The following PLCXD3 variants were observed in gnomAD, a reference collection of about 807,000 sequenced individuals.
The protein encoded by PLCXD3 is PI-PLC X domain-containing protein 3.
PLCXD3 carries 19 observed loss-of-function variants against 25.5 expected under a neutral mutation model. The ratio of observed to expected loss-of-function variants is 0.75; its 90% CI spans 0.52 to 1.09. The LOEUF is 1.09. Among genes scored for constraint, PLCXD3 ranks in the 50% least tolerant of loss-of-function variants. PLCXD3 has a pLI of 0.00. For missense variants in PLCXD3, 411 were observed against 388.1 expected, an observed-to-expected ratio of 1.06 and a Z score of -0.50; for synonymous variants, 174 against 137.6, an observed-to-expected ratio of 1.26 and a Z score of -1.85.
chr5:41,381,963 C>G lies in PLCXD3; in HGVS notation c.675G>C (p.Leu225=). 3 of 1,613,488 alleles carry G rather than the reference C, an allele frequency of 1.9e-6. No homozygotes were observed. Among genetic ancestry groups the G allele is most frequent in the Non-Finnish European group, 2.5e-6 (3 of 1,179,716 alleles). Residue 225 remains leucine, a synonymous_variant, in exon 2 of 3, where the codon CTG becomes CTC. Coordinates refer to ENST00000377801, the MANE Select transcript of PLCXD3 (RefSeq NM_001005473.3). The part of the protein sequence containing the change: ...PWANTTDPEK[L]IQFLQASITE... ...TGATGGATGCTTGAAGAAACTGGAT[C>G]AGTTTCTCGGGGTCTGTGGTGTTGG...
chr5:41,308,613 C>T lies in PLCXD3; in HGVS notation c.*5004G>A, dbSNP rs1275335936. 6.6e-6 allele frequency: 1 copy of T among 152,018 alleles called. No homozygotes were observed. 9.4% of individuals were successfully genotyped at this position (152,018 alleles called of 1,614,324 possible). On this transcript the variant is annotated 3_prime_UTR_variant, in exon 3 of 3. Coordinates refer to ENST00000377801, the MANE Select transcript of PLCXD3 (RefSeq NM_001005473.3). ...TGTGTGGGTTGCATGCTTGTTTTCT[C>T]GAGAAGAGAACCATGTTGGAACCAC...
At chr5:41,471,199 A>G (rs1412789040) in intron 1 of PLCXD3, among the ~76,000 whole-genome samples, 1 of 152,214 alleles carries the variant, frequency 6.6e-6, no homozygotes, top group Non-Finnish European at 1.5e-5. Context: ...GCACCTTCAT[A>G]AGAACCAAAA....
intron 1 of PLCXD3, chr5:41,475,712 T>C (rs554298998): frequency 3.7e-6 from 2 of 534,766 alleles, no homozygotes; most frequent in Admixed American, 3.9e-5. Context: ...CTACGACAGT[T>C]ACTACTTGAG....
At chr5:41,466,811 G>A (rs1748027311) in intron 1 of PLCXD3, among the ~76,000 whole-genome samples, 1 of 151,968 alleles carries the variant, frequency 6.6e-6, no homozygotes, top group African/African-American at 2.4e-5. Flanking sequence ...TGTGGTATTT[G>A]TCTTTCTATG....
chr5:41,432,311 G>A (rs528652479), intron 1 of PLCXD3, among the ~76,000 whole-genome samples: 1 of 152,226 alleles, frequency 6.6e-6, no homozygotes, highest in Admixed American at 6.5e-5. Context: ...CTTTCTAAAT[G>A]CACTATTTGT....
chr5:41,322,657 T>C (rs1046397468), intron 2 of PLCXD3, among the ~76,000 whole-genome samples: 1 of 152,208 alleles, frequency 6.6e-6, no homozygotes, highest in African/African-American at 2.4e-5. Context: ...GGAAGCAACC[T>C]AAATGTTCAT....
intron 2 of PLCXD3, among the ~76,000 whole-genome samples, chr5:41,336,663 G>A (rs1041144687): frequency 1.3e-5 from 2 of 152,090 alleles, no homozygotes; most frequent in African/African-American, 4.8e-5. Context: ...AATTGCCCTC[G>A]GCAAAAGAAA....
At chr5:41,388,323 G>A (rs1472324176) in intron 1 of PLCXD3, among the ~76,000 whole-genome samples, 1 of 152,054 alleles carries the variant, frequency 6.6e-6, no homozygotes, top group African/African-American at 2.4e-5. Flanking sequence ...TCTGGATGTG[G>A]AAGGAAAACA....
At chr5:41,496,733 T>C (rs1202474603) in intron 1 of PLCXD3, among the ~76,000 whole-genome samples, 2 of 150,426 alleles carry the variant, frequency 1.3e-5, no homozygotes, top group Non-Finnish European at 3.0e-5. Flanking sequence ...TAAATAATAA[T>C]GTAAAAGCGT....
Position 41,436,792 on chromosome 5 carries a change from G to A in PLCXD3, c.104-54258C>T, listed in dbSNP as rs1561273189. On this transcript the variant is annotated intron_variant, in intron 1 of 2. Coordinates refer to ENST00000377801, the MANE Select transcript of PLCXD3 (RefSeq NM_001005473.3). ...AAGATATAAACCTACTTCAGAATAG[G>A]TTTTTCCAAAGAAAATTTAAAAGTA... 2.0e-5 allele frequency among the ~76,000 whole-genome samples: 3 copies of A among 151,996 alleles called. No homozygotes were observed. The South Asian group carries it at 6.2e-4, about 32-fold the overall frequency.
intron 1 of PLCXD3, among the ~76,000 whole-genome samples, chr5:41,464,954 T>C (rs1461872196): frequency 6.6e-6 from 1 of 152,102 alleles, no homozygotes; most frequent in Non-Finnish European, 1.5e-5. Context: ...TTTATTAAAT[T>C]CTAAAAAATG....
chr5:41,369,164 G>A (rs532364490), intron 2 of PLCXD3, among the ~76,000 whole-genome samples: 12 of 152,180 alleles, frequency 7.9e-5, no homozygotes, highest in Non-Finnish European at 7.4e-5. Flanking sequence ...GCTTGTGAAC[G>A]GCAGTAGAGT....
At chr5:41,473,189 T>G (rs891866441) in intron 1 of PLCXD3, among the ~76,000 whole-genome samples, 6 of 152,136 alleles carry the variant, frequency 3.9e-5, no homozygotes, top group African/African-American at 1.4e-4. Flanking sequence ...GGAAAATCCA[T>G]AGGCAGATAA....
chr5:41,448,907 C>T (rs542129680), intron 1 of PLCXD3, among the ~76,000 whole-genome samples: 27 of 152,266 alleles, frequency 1.8e-4, no homozygotes, highest in African/African-American at 6.3e-4. Flanking sequence ...TTTTTAACTT[C>T]TCTTCTCCCC....
At chr5:41,441,723 G>T (rs139324362) in intron 1 of PLCXD3, among the ~76,000 whole-genome samples, 2,095 of 152,268 alleles carry the variant, frequency 0.014, 14 homozygotes, top group Non-Finnish European at 0.02. Flanking sequence ...ACGTCTTGGG[G>T]ATAAACTCAA....
intron 2 of PLCXD3, among the ~76,000 whole-genome samples, chr5:41,350,873 A>G (rs1744440484): frequency 6.6e-6 from 1 of 152,146 alleles, no homozygotes; most frequent in South Asian, 2.1e-4. Context: ...TCCTGTTTGT[A>G]GAATCTGGGA....
At chr5:41,475,118 A>G (rs992510907) in intron 1 of PLCXD3, among the ~76,000 whole-genome samples, 2 of 152,202 alleles carry the variant, frequency 1.3e-5, no homozygotes, top group Non-Finnish European at 2.9e-5. Context: ...TAACAAAAAG[A>G]TGGTATGTAC....
At chr5:41,418,070 GA>G (rs1257649367) in intron 1 of PLCXD3, among the ~76,000 whole-genome samples, 1 of 152,120 alleles carries the variant, frequency 6.6e-6, no homozygotes, top group Admixed American at 6.5e-5. Flanking sequence ...TTTGTTAGGG[GA>G]AAAAAATTGT....
intron 1 of PLCXD3, among the ~76,000 whole-genome samples, chr5:41,455,153 G>A (rs1747724818): frequency 6.6e-6 from 1 of 151,854 alleles, no homozygotes; most frequent in Admixed American, 6.6e-5. Context: ...TGAGATTTAG[G>A]TGGGGACACA....
Sources: gnomAD v4.1 joint callset for allele counts (sites outside exome capture counted in the v4.1 genomes callset) on GRCh38, gnomAD v4.1.1 for gene constraint, MANE v1.5 for transcripts, NCBI Gene and HGNC (gene_info 2026-07-23, HGNC 2026-07-21) for gene names.